Variants in MED15 observed in about 807,000 individuals in gnomAD.
MED15 encodes the protein mediator complex subunit 15.
In MED15, 41 loss-of-function variants were observed where a neutral mutation model predicts 118.7. The observed-to-expected ratio is 0.35, with a 90% CI of 0.27 to 0.45. The LOEUF (loss-of-function observed/expected upper bound fraction) is 0.45, where lower values mean the gene tolerates loss of function less well. Among genes scored for constraint, MED15 ranks in the 20% least tolerant of loss-of-function variants. The probability of loss-of-function intolerance (pLI) is 1.00; values close to 1 mark genes in which losing one functional copy is unlikely to be tolerated. For missense variants in MED15, 740 were observed against 1,025.5 expected, an observed-to-expected ratio of 0.72 and a Z score of 3.80; for synonymous variants, 436 against 413.9, an observed-to-expected ratio of 1.05 and a Z score of -0.65.
rs573165840 is a variant in MED15, at chr22:20,569,583, G to A, written c.1152+952G>A. 5.3e-5 allele frequency among the ~76,000 whole-genome samples: 8 copies of A among 152,306 alleles called. No homozygotes were observed. In the South Asian group the frequency reaches 1.7e-3, roughly 32 times the overall value. ...TCATCTCACGCTTGGGGGGTGCTCA[G>A]TAATGTCCTTCATGGTGCCTGCTAC... On this transcript the variant is annotated intron_variant, in intron 8 of 17. Coordinates refer to ENST00000263205, the MANE Select transcript of MED15 (RefSeq NM_001003891.3).
At chr22:20,548,094 T>G (rs939158013) in intron 2 of MED15, among the ~76,000 whole-genome samples, 2 of 152,160 alleles carry the variant, frequency 1.3e-5, no homozygotes, top group Non-Finnish European at 2.9e-5. Context: ...ACTCCTACTT[T>G]ATCCTTCCAA....
chr22:20,551,045 C>G (rs574041759), intron 2 of MED15: 1 of 464,176 alleles, frequency 2.2e-6, no homozygotes, highest in African/African-American at 2.0e-5. Flanking sequence ...AAAGACACAG[C>G]GGCCCACCCA....
Position 20,507,930 on chromosome 22 carries a change from G to T in MED15, c.68+184G>T. 5 of 1,445,526 alleles carry T rather than the reference G, an allele frequency of 3.5e-6. 1 individual carries two copies. The South Asian group carries it at 7.4e-5, about 21-fold the overall frequency. 89.5% of individuals were successfully genotyped at this position (1,445,526 alleles called of 1,614,324 possible). Reference sequence around the variant, plus strand: ...CCTCCGTTCCCGACATGGACTGCTCGTTTGCTTTCCTGGGGCCGAGCTCTG... The same window carrying T: ...CCTCCGTTCCCGACATGGACTGCTCTTTTGCTTTCCTGGGGCCGAGCTCTG... On this transcript the variant is annotated intron_variant, in intron 1 of 17. Transcript: ENST00000263205.
In MED15 at chr22:20,527,893, G is replaced by A. The variant is rs904850408; in HGVS notation, c.69-9224G>A. On this transcript the variant is annotated intron_variant, in intron 1 of 17. Transcript: ENST00000263205. ...AATCACTTGAACGTGGGAGGCAGAG[G>A]TTGCAGTGAGCCGAGATCGTGCCAC... Among the ~76,000 whole-genome samples the A allele has an allele frequency of 3.3e-5, 5 of 150,458 alleles. 1 individual carries two copies. The highest frequency in any genetic ancestry group is 1.2e-4 in the African/African-American group (5 of 40,778).
intron 1 of MED15, among the ~76,000 whole-genome samples, chr22:20,520,397 G>A (rs1476563354): frequency 1.3e-5 from 2 of 152,248 alleles, no homozygotes; most frequent in South Asian, 2.1e-4. Flanking sequence ...GTCCTCAGAA[G>A]CCTCGGTGGG....
intron 1 of MED15, among the ~76,000 whole-genome samples, chr22:20,515,959 C>T (rs905851678): frequency 1.3e-5 from 2 of 151,486 alleles, no homozygotes; most frequent in African/African-American, 2.4e-5. Context: ...GTCAAGATCA[C>T]GCCACTTCAC....
intron 1 of MED15, among the ~76,000 whole-genome samples, chr22:20,518,212 T>C (rs958513902): frequency 2.1e-5 from 3 of 143,950 alleles, no homozygotes; most frequent in Non-Finnish European, 3.0e-5. Context: ...TTGTTTGAGA[T>C]GGAGTCTCGC....
chr22:20,541,107 T>C (rs2146464531), intron 2 of MED15, among the ~76,000 whole-genome samples: 1 of 152,012 alleles, frequency 6.6e-6, no homozygotes, highest in Non-Finnish European at 1.5e-5. Context: ...GGCGTGGTGG[T>C]GGGCGCCTGT....
At chr22:20,584,258 G>T in intron 13 of MED15, 101 bp from the exon 14 acceptor site, 1 of 1,213,792 alleles carries the variant, frequency 8.2e-7, no homozygotes, top group South Asian at 1.2e-5. Context: ...AGCTCCTGCA[G>T]AGGTTTCTGA....
chr22:20,582,501 G>A (rs1467576193), intron 9 of MED15, 110 bp from the exon 10 acceptor site: 2 of 1,489,424 alleles, frequency 1.3e-6, no homozygotes, highest in East Asian at 2.5e-5. Context: ...AGACACAGGT[G>A]TGTGGTGAGG....
intron 5 of MED15, among the ~76,000 whole-genome samples, chr22:20,558,421 G>C (rs147286400): frequency 1.6e-4 from 24 of 152,298 alleles, no homozygotes; most frequent in African/African-American, 5.3e-4. Flanking sequence ...GTCGGAAAAG[G>C]CTGAAACTGC....
chr22:20,527,136 A>G (rs904499543), intron 1 of MED15, among the ~76,000 whole-genome samples: 1 of 151,652 alleles, frequency 6.6e-6, no homozygotes, highest in African/African-American at 2.4e-5. Flanking sequence ...GTCCTGCTCT[A>G]CTTGGGAAGT....
chr22:20,540,251 G>A (rs115802133), intron 2 of MED15, among the ~76,000 whole-genome samples: 1 of 152,252 alleles, frequency 6.6e-6, no homozygotes, highest in African/African-American at 2.4e-5. Context: ...AAAAGGCTGT[G>A]CCACTCTTTC....
At chr22:20,541,195 T>C (rs1445678552) in intron 2 of MED15, among the ~76,000 whole-genome samples, 1 of 152,090 alleles carries the variant, frequency 6.6e-6, no homozygotes, top group Admixed American at 6.5e-5. Context: ...GCCAAGATCA[T>C]GCCACTGCAC....
chr22:20,549,686 G>T (rs1292644840), intron 2 of MED15, among the ~76,000 whole-genome samples: 1 of 152,176 alleles, frequency 6.6e-6, no homozygotes, highest in African/African-American at 2.4e-5. Flanking sequence ...ACAGCTTCCT[G>T]TGCTTGTTTC....
At chr22:20,524,357 C>G (rs566119235) in intron 1 of MED15, 46 of 152,332 alleles carry the variant, frequency 3.0e-4, no homozygotes, top group Middle Eastern at 6.8e-3. Context: ...TGTCTAGAGA[C>G]CTAGTGAAGG....
intron 1 of MED15, among the ~76,000 whole-genome samples, chr22:20,529,423 T>G (rs1569182992): frequency 1.3e-5 from 2 of 150,868 alleles, no homozygotes; most frequent in Admixed American, 1.3e-4. Flanking sequence ...AATTTTTATA[T>G]TTACGTATAT....
intron 2 of MED15, among the ~76,000 whole-genome samples, chr22:20,549,154 G>A (rs143618197): frequency 6.3e-4 from 96 of 152,300 alleles, no homozygotes; most frequent in African/African-American, 2.2e-3. Flanking sequence ...GGATGTGTTA[G>A]TAGTACCTGC....
intron 9 of MED15, chr22:20,582,400 G>A (rs1333699441): frequency 1.4e-5 from 10 of 736,974 alleles, no homozygotes; most frequent in Non-Finnish European, 1.9e-5. Context: ...TGCCCTGCCT[G>A]GGCCCCCCCC....
Sources: gnomAD v4.1 joint callset for allele counts (sites outside exome capture counted in the v4.1 genomes callset) on GRCh38, gnomAD v4.1.1 for gene constraint, MANE v1.5 for transcripts, NCBI Gene and HGNC (gene_info 2026-07-23, HGNC 2026-07-21) for gene names.